The following ZNRF1 variants were observed in gnomAD, a reference collection of about 807,000 sequenced individuals.
ZNRF1 encodes the protein E3 ubiquitin-protein ligase ZNRF1.
ZNRF1 carries 3 observed loss-of-function variants against 18.4 expected under a neutral mutation model. The observed-to-expected ratio is 0.16, with a 90% CI of 0.07 to 0.42. The LOEUF (loss-of-function observed/expected upper bound fraction) is 0.42. Among genes scored for constraint, ZNRF1 ranks in the 10% least tolerant of loss-of-function variants. ZNRF1 has a pLI of 0.99. For synonymous variants in ZNRF1, 157 were observed against 144.2 expected (o/e 1.09, Z -0.64); for missense variants, 310 against 329.8 (o/e 0.94, Z 0.47).
intron 1 of ZNRF1, among the ~76,000 whole-genome samples, chr16:75,001,841 T>C (rs977700592): frequency 6.6e-6 from 1 of 152,200 alleles, no homozygotes; most frequent in African/African-American, 2.4e-5. Flanking sequence ...GAGCTTGTAG[T>C]TGGATTCCAG....
At chr16:75,055,871 C>T (rs1281476460) in intron 1 of ZNRF1, among the ~76,000 whole-genome samples, 2 of 152,184 alleles carry the variant, frequency 1.3e-5, no homozygotes, top group African/African-American at 4.8e-5. Flanking sequence ...CTGGGCACAT[C>T]CTTGAAGGAC....
chr16:75,027,202 T>C (rs1339375465), intron 1 of ZNRF1, among the ~76,000 whole-genome samples: 1 of 151,724 alleles, frequency 6.6e-6, no homozygotes. Flanking sequence ...GCCCAGGAGG[T>C]CAAGGCTGCA....
intron 1 of ZNRF1, among the ~76,000 whole-genome samples, chr16:75,090,238 G>A (rs1004252709): frequency 6.6e-6 from 1 of 152,156 alleles, no homozygotes; most frequent in African/African-American, 2.4e-5. Context: ...CCTCCCCATC[G>A]AGCTGTGACC....
intron 1 of ZNRF1, among the ~76,000 whole-genome samples, chr16:75,004,882 T>C (rs2034898989): frequency 6.6e-6 from 1 of 152,138 alleles, no homozygotes; most frequent in East Asian, 1.9e-4. Context: ...TCCCAAGGTA[T>C]TGGGATTATA....
At chr16:75,000,265 C>A (rs1039879108) in intron 1 of ZNRF1, 170 bp downstream of exon 1, 1 of 1,042,542 alleles carries the variant, frequency 9.6e-7, no homozygotes, top group Non-Finnish European at 1.4e-6. Flanking sequence ...GGAAACTAGG[C>A]TTTCTGCGAG....
chr16:75,049,011 T>A lies in ZNRF1; in HGVS notation c.425-44561T>A, dbSNP rs1395963058. On this transcript the variant is annotated intron_variant, in intron 1 of 4. Transcript: ENST00000335325. Reference sequence around the variant, plus strand: ...ATTTGCTGGAATTTGGAATCCCTTTTTTTTTTTTTGAGATGGAGTCTCTCA... The same window carrying A: ...ATTTGCTGGAATTTGGAATCCCTTTATTTTTTTTTGAGATGGAGTCTCTCA... 2.6e-5 allele frequency among the ~76,000 whole-genome samples: 4 copies of A among 152,170 alleles called. No individual in the cohort carries two copies. In the East Asian group the frequency reaches 7.7e-4, roughly 29 times the overall value.
intron 1 of ZNRF1, among the ~76,000 whole-genome samples, chr16:75,079,450 A>G (rs1211662036): frequency 6.6e-6 from 1 of 152,180 alleles, no homozygotes; most frequent in Non-Finnish European, 1.5e-5. Context: ...ACTGCACTCC[A>G]GCCTGGCAAC....
chr16:75,070,195 G>C (rs1314946950), intron 1 of ZNRF1, among the ~76,000 whole-genome samples: 1 of 152,152 alleles, frequency 6.6e-6, no homozygotes, highest in Non-Finnish European at 1.5e-5. Context: ...CCATTGGGCA[G>C]CCAGCCCACT....
At chr16:75,094,456 G>A (rs1304434638) in intron 2 of ZNRF1, among the ~76,000 whole-genome samples, 2 of 152,182 alleles carry the variant, frequency 1.3e-5, no homozygotes, top group Non-Finnish European at 2.9e-5. Flanking sequence ...CCAGGTGATG[G>A]GAGTTCAAAT....
chr16:75,048,917 A>G (rs2035552489), intron 1 of ZNRF1, among the ~76,000 whole-genome samples: 1 of 151,764 alleles, frequency 6.6e-6, no homozygotes, highest in African/African-American at 2.4e-5. Context: ...TATCCTTTTC[A>G]TTTCAAGAAA....
rs1283392570 is a variant in ZNRF1 at position 75,110,773 on chromosome 16, C to T, written c.*3073C>T. The T allele has an allele frequency of 6.6e-6, 1 of 152,106 alleles. No individual in the cohort carries two copies. The highest frequency in any genetic ancestry group is 1.5e-5 in the Non-Finnish European group (1 of 68,050). 9.4% of individuals were successfully genotyped at this position (152,106 alleles called of 1,614,324 possible). ...GGGCGCATCAAAGAAGAGTCCTACC[C>T]AGGAGGGAGAGCGCAGCTGCTGCAG... On this transcript the variant is annotated 3_prime_UTR_variant, in exon 5 of 5. Coordinates refer to ENST00000335325, the MANE Select transcript of ZNRF1 (RefSeq NM_032268.5).
chr16:75,083,609 T>C (rs1055741436), intron 1 of ZNRF1, among the ~76,000 whole-genome samples: 3 of 152,090 alleles, frequency 2.0e-5, no homozygotes, highest in East Asian at 3.9e-4. Flanking sequence ...AATACAAACA[T>C]TGAAAATGAC....
intron 1 of ZNRF1, among the ~76,000 whole-genome samples, chr16:75,021,122 C>A (rs368453261): frequency 6.6e-6 from 1 of 152,110 alleles, no homozygotes; most frequent in African/African-American, 2.4e-5. Context: ...CTCAGTGCAA[C>A]GTCCACCTCC....
chr16:75,014,552 A>G (rs987669418), intron 1 of ZNRF1, among the ~76,000 whole-genome samples: 2 of 152,168 alleles, frequency 1.3e-5, no homozygotes, highest in Non-Finnish European at 2.9e-5. Context: ...TTCTGTTATC[A>G]GTGGATATTA....
At chr16:75,073,426 A>G (rs377091614) in intron 1 of ZNRF1, among the ~76,000 whole-genome samples, 15 of 151,788 alleles carry the variant, frequency 9.9e-5, no homozygotes, top group African/African-American at 2.2e-4. Context: ...GGTTTTATTC[A>G]TTCATACATT....
At chr16:75,036,445 AATC>A (rs1426854813) in intron 1 of ZNRF1, among the ~76,000 whole-genome samples, 6 of 152,120 alleles carry the variant, frequency 3.9e-5, no homozygotes, top group African/African-American at 1.4e-4. Context: ...GTTGCTTTTT[AATC>A]CAGACTGACA....
At chr16:75,058,372 A>G (rs374141075) in intron 1 of ZNRF1, among the ~76,000 whole-genome samples, 1 of 152,124 alleles carries the variant, frequency 6.6e-6, no homozygotes, top group African/African-American at 2.4e-5. Context: ...TTTGGCTTTC[A>G]GTAGCTTTGC....
chr16:74,999,865 G>T lies in ZNRF1; in HGVS notation c.194G>T (p.Gly65Val). 6 of 1,521,642 alleles carry T rather than the reference G, an allele frequency of 3.9e-6. No individual in the cohort carries two copies. The highest frequency in any genetic ancestry group is 5.3e-6 in the Non-Finnish European group (6 of 1,138,620). 94.3% of individuals were successfully genotyped at this position (1,521,642 alleles called of 1,614,324 possible). A position where few individuals can be genotyped will look rare whatever the true frequency, so the allele number is the denominator to read the frequency against. The change falls in exon 1 of 5, where the codon GGG (glycine) becomes GTG (valine). Residue 65 changes from glycine to valine, a missense_variant. Gly to Val is a moderately radical substitution (Grantham distance 109). This residue lies in a region of ZNRF1 where 293 missense variants were observed against 291.2 expected (regional missense o/e 1.01). Coordinates refer to ENST00000335325, the MANE Select transcript of ZNRF1 (RefSeq NM_032268.5). ...ATGGGCATGGACCCCAGCACGGCCG[G>T]GGGGGTGCCCTTTGGCCTCTACACC... ...AGMGMDPSTA[G>V]GVPFGLYTPA...
At chr16:75,092,808 T>C (rs962834359) in intron 1 of ZNRF1, among the ~76,000 whole-genome samples, 1 of 152,136 alleles carries the variant, frequency 6.6e-6, no homozygotes, top group Non-Finnish European at 1.5e-5. Context: ...CATGGGCGGC[T>C]GAGGCTGGGA....
Sources: allele counts gnomAD v4.1 joint callset (sites outside exome capture counted in the v4.1 genomes callset), GRCh38; gene constraint gnomAD v4.1.1; regional missense constraint gnomAD v4.1.1; transcripts MANE v1.5; gene names NCBI Gene and HGNC (gene_info 2026-07-23, HGNC 2026-07-21).